Variants in UNC80 observed in about 807,000 individuals in gnomAD.
UNC80 encodes unc-80 subunit of NALCN channel complex.
A neutral mutation model predicts 384.6 loss-of-function variants in UNC80; 164 were observed. That is an observed-to-expected ratio of 0.43 (90% confidence interval 0.38 to 0.49). The LOEUF is 0.49. Ranked by LOEUF, UNC80 falls within the 20% of genes least tolerant of loss-of-function variation. The pLI is 0.00. For synonymous variants in UNC80, 1,486 were observed against 1,527.8 expected, an observed-to-expected ratio of 0.97 and a Z score of 0.64; for missense variants, 3,330 against 4,143.0, an observed-to-expected ratio of 0.80 and a Z score of 5.39.
intron 16 of UNC80, among the ~76,000 whole-genome samples, chr2:209,833,329 G>T (rs1408396207): frequency 2.0e-5 from 3 of 150,618 alleles, no homozygotes; most frequent in Non-Finnish European, 4.4e-5. Flanking sequence ...AGCAGAGAGA[G>T]AGGGGAAATG....
chr2:209,904,550 A>G (rs977420870), intron 28 of UNC80, among the ~76,000 whole-genome samples: 2 of 152,234 alleles, frequency 1.3e-5, no homozygotes, highest in African/African-American at 2.4e-5. Flanking sequence ...TAATGTTTCA[A>G]AGAGATCCTT....
At chr2:209,845,947 TTTTC>T (rs2082135739) in intron 21 of UNC80, among the ~76,000 whole-genome samples, 1 of 152,050 alleles carries the variant, frequency 6.6e-6, no homozygotes, top group Non-Finnish European at 1.5e-5. Flanking sequence ...TCCTTCTCTC[TTTTC>T]TTTCTCTTGA....
At chr2:209,911,076 C>A (rs866253896) in intron 29 of UNC80, among the ~76,000 whole-genome samples, 7 of 152,022 alleles carry the variant, frequency 4.6e-5, no homozygotes, top group Middle Eastern at 3.2e-3. Flanking sequence ...CTAGTAAGGC[C>A]TTGGGAAACT....
intron 58 of UNC80, among the ~76,000 whole-genome samples, chr2:209,978,028 T>C (rs992608336): frequency 1.3e-5 from 2 of 152,212 alleles, no homozygotes; most frequent in Admixed American, 1.3e-4. Flanking sequence ...TGTAATAAAA[T>C]AACCTGACAT....
chr2:209,905,935 TG>T (rs1296071087), intron 29 of UNC80, among the ~76,000 whole-genome samples: 1 of 152,246 alleles, frequency 6.6e-6, no homozygotes, highest in Non-Finnish European at 1.5e-5. Context: ...GATGCCTGAC[TG>T]AATGTTGTGG....
intron 28 of UNC80, 136 bp downstream of exon 28, chr2:209,896,549 T>G (rs1266120693): frequency 2.7e-6 from 2 of 750,106 alleles, no homozygotes; most frequent in Non-Finnish European, 4.5e-6. Context: ...GCTTATGTTT[T>G]ACCTGAATAT....
At chr2:209,926,800 T>TA (rs2090470614) in intron 35 of UNC80, 43 bp from the exon 36 acceptor site, 3 of 1,548,836 alleles carry the variant, frequency 1.9e-6, no homozygotes, top group Non-Finnish European at 2.6e-6. Flanking sequence ...AACAAAGAAT[T>TA]ACGTTACTGA....
chr2:209,880,097 T>C (rs1286506634), intron 24 of UNC80, among the ~76,000 whole-genome samples: 3 of 152,196 alleles, frequency 2.0e-5, no homozygotes, highest in African/African-American at 7.2e-5. Flanking sequence ...GAATTCTACA[T>C]GGCTTTGATT....
chr2:209,776,698 A>T (rs1212786130), intron 3 of UNC80, among the ~76,000 whole-genome samples: 1 of 152,206 alleles, frequency 6.6e-6, no homozygotes, highest in African/African-American at 2.4e-5. Flanking sequence ...TCAGTTCCTA[A>T]AGCAACCACT....
At chr2:209,979,533 G>A (rs1378600646) in intron 59 of UNC80, among the ~76,000 whole-genome samples, 1 of 152,180 alleles carries the variant, frequency 6.6e-6, no homozygotes, top group African/African-American at 2.4e-5. Flanking sequence ...CCAAATTTGA[G>A]TTAAGAGAAT....
chr2:209,801,002 A>C (rs1377439369), intron 7 of UNC80, among the ~76,000 whole-genome samples: 1 of 152,056 alleles, frequency 6.6e-6, no homozygotes, highest in Non-Finnish European at 1.5e-5. Flanking sequence ...ATAAGTGCCA[A>C]GTGACACTGA....
At chr2:209,930,781 C>T (rs2090796710) in intron 37 of UNC80, among the ~76,000 whole-genome samples, 187 bp from the exon 38 acceptor site, 1 of 152,110 alleles carries the variant, frequency 6.6e-6, no homozygotes, top group African/African-American at 2.4e-5. Context: ...AAAGGTGTTC[C>T]AGATGGTTTA....
intron 28 of UNC80, among the ~76,000 whole-genome samples, chr2:209,899,331 A>G (rs1355586677): frequency 6.6e-6 from 1 of 152,190 alleles, no homozygotes; most frequent in African/African-American, 2.4e-5. Context: ...TGGTGTGTCA[A>G]TATAAGTTCA....
Position 209,829,346 on chromosome 2 carries a change from T to C in UNC80, c.2593T>C (p.Leu865=). The change falls in exon 15 of 65, where the codon TTG becomes CTG. Residue 865 remains leucine (L), a synonymous_variant. Coordinates refer to ENST00000673920, the MANE Select transcript of UNC80 (RefSeq NM_001371986.1). ...LNNVVDFLHA[L]LGFCMEPVTD... ...TAATGTAGTGGACTTCTTGCATGCT[T>C]TGCTAGGATTTTGTATGGAGCCGGT... is the stretch of plus-strand genomic sequence containing the variant. The C allele has an allele frequency of 6.4e-7, 1 of 1,551,258 alleles. No individual in the cohort carries two copies.
At chr2:209,812,662 G>A (rs897750710) in intron 7 of UNC80, among the ~76,000 whole-genome samples, 2 of 152,144 alleles carry the variant, frequency 1.3e-5, no homozygotes, top group African/African-American at 2.4e-5. Context: ...CTTGGATCCC[G>A]GAAGTTCTAA....
intron 55 of UNC80, 41 bp from the exon 56 acceptor site, chr2:209,973,022 TG>T (rs2092922764): frequency 6.5e-7 from 1 of 1,530,740 alleles, no homozygotes; most frequent in African/African-American, 1.4e-5. Context: ...TACCTTGTGA[TG>T]TTTTTCTTTC....
At chr2:209,862,649 C>CTTTTT (rs71043955) in intron 22 of UNC80, among the ~76,000 whole-genome samples, 37 of 78,734 alleles carry the variant, frequency 4.7e-4, no homozygotes, top group Middle Eastern at 8.9e-3. Flanking sequence ...GCAACCTCTG[C>CTTTTT]TTTTTTTTTT....
At chr2:209,995,048 T>C (rs1280590671) in intron 64 of UNC80, among the ~76,000 whole-genome samples, 1 of 152,212 alleles carries the variant, frequency 6.6e-6, no homozygotes, top group Admixed American at 6.5e-5. Context: ...GTATAGTCTT[T>C]AATGGTTAAA....
chr2:209,979,246 C>T (rs1439757341), intron 59 of UNC80, among the ~76,000 whole-genome samples: 2 of 152,212 alleles, frequency 1.3e-5, no homozygotes, highest in Non-Finnish European at 2.9e-5. Flanking sequence ...GAGCCTCTGT[C>T]TCAAAAACAA....
Sources: allele counts gnomAD v4.1 joint callset (sites outside exome capture counted in the v4.1 genomes callset), GRCh38; gene constraint gnomAD v4.1.1; transcripts MANE v1.5; gene names NCBI Gene and HGNC (gene_info 2026-07-23, HGNC 2026-07-21).